Variants in ATXN2 observed in about 807,000 individuals in gnomAD.
The protein encoded by ATXN2 is ataxin 2, also known as ataxin-2.
ATXN2 carries 37 observed loss-of-function variants against 138.6 expected under a neutral mutation model. The observed-to-expected ratio is 0.27, with a 90% CI of 0.21 to 0.35. The LOEUF (loss-of-function observed/expected upper bound fraction) is 0.35, where lower values mean the gene tolerates loss of function less well. ATXN2 is among the 10% of genes least tolerant of loss of function. The probability of loss-of-function intolerance (pLI) is 1.00; values close to 1 mark genes in which losing one functional copy is unlikely to be tolerated. For missense variants in ATXN2, 1,216 were observed against 1,480.3 expected (o/e 0.82, Z 2.93); for synonymous variants, 549 against 543.7 (o/e 1.01, Z -0.13).
At chr12:111,594,467 T>C (rs1884831461) in intron 1 of ATXN2, among the ~76,000 whole-genome samples, 1 of 152,042 alleles carries the variant, frequency 6.6e-6, no homozygotes. Flanking sequence ...GCCTCCCAAG[T>C]AGCTGGGATT....
chr12:111,536,828 G>T (rs1336618862), intron 5 of ATXN2, among the ~76,000 whole-genome samples: 1 of 132,022 alleles, frequency 7.6e-6, no homozygotes, highest in South Asian at 2.3e-4. Context: ...CTGTCACCCA[G>T]GCTGGAGTGC....
In ATXN2 at chr12:111,591,470, G is replaced by C. The variant is rs575000035; in HGVS notation, c.251+7314C>G. Among the ~76,000 whole-genome samples, 5 of 152,140 alleles carry C rather than the reference G, an allele frequency of 3.3e-5. No homozygotes were observed. In the South Asian group the frequency reaches 1.0e-3, roughly 32 times the overall value. On this transcript the variant is annotated intron_variant, in intron 1 of 24. Transcript: ENST00000673436. ...GGATCACTTGAGCCCAGGAGTTTGAGACCAATCTGGGCAACATGGCAGGAC... is the reference window on the plus strand; with the variant it reads ...GGATCACTTGAGCCCAGGAGTTTGACACCAATCTGGGCAACATGGCAGGAC...
intron 1 of ATXN2, among the ~76,000 whole-genome samples, chr12:111,566,295 G>T (rs1883000828): frequency 6.6e-6 from 1 of 151,886 alleles, no homozygotes; most frequent in Admixed American, 6.6e-5. Flanking sequence ...AGGTGGGCAT[G>T]GTGGTGCATG....
chr12:111,561,523 T>G (rs1882687367), intron 1 of ATXN2, among the ~76,000 whole-genome samples: 1 of 151,678 alleles, frequency 6.6e-6, no homozygotes, highest in South Asian at 2.1e-4. Context: ...ATCATAAAAT[T>G]AAAATACTAC....
intron 21 of ATXN2, among the ~76,000 whole-genome samples, chr12:111,464,044 T>C (rs2135664286): frequency 6.6e-6 from 1 of 152,252 alleles, no homozygotes; most frequent in African/African-American, 2.4e-5. Flanking sequence ...CGCCTCAGCC[T>C]CCCAAAGCAC....
chr12:111,506,070 T>C (rs1189474120), intron 14 of ATXN2, among the ~76,000 whole-genome samples: 2 of 152,204 alleles, frequency 1.3e-5, no homozygotes, highest in African/African-American at 4.8e-5. Flanking sequence ...AACACTACTC[T>C]GAGTGAAAGA....
chr12:111,577,167 T>C (rs1165897509), intron 1 of ATXN2, among the ~76,000 whole-genome samples: 2 of 152,092 alleles, frequency 1.3e-5, no homozygotes, highest in Non-Finnish European at 2.9e-5. Context: ...TTGTTCCTAC[T>C]GTCAAGATGC....
chr12:111,526,380 C>A (rs1386323949), intron 5 of ATXN2, among the ~76,000 whole-genome samples: 3 of 150,354 alleles, frequency 2.0e-5, no homozygotes, highest in Non-Finnish European at 3.0e-5. Flanking sequence ...AAGAAAATTT[C>A]TATCAATCCA....
intron 1 of ATXN2, among the ~76,000 whole-genome samples, chr12:111,558,147 C>G (rs915322148): frequency 2.0e-5 from 3 of 152,068 alleles, no homozygotes; most frequent in African/African-American, 7.2e-5. Flanking sequence ...GTGCAGAAAC[C>G]ACTAATTTCC....
At chr12:111,503,292 G>A (rs1031676919) in intron 14 of ATXN2, among the ~76,000 whole-genome samples, 1 of 152,242 alleles carries the variant, frequency 6.6e-6, no homozygotes, top group Admixed American at 6.5e-5. Context: ...TCAAAGCACT[G>A]CTAGAAGCTT....
intron 14 of ATXN2, among the ~76,000 whole-genome samples, chr12:111,504,462 TG>T (rs1566029246): frequency 6.6e-6 from 1 of 152,136 alleles, no homozygotes; most frequent in Non-Finnish European, 1.5e-5. Context: ...AGGTAATTTT[TG>T]TATTTTTAGT....
At chr12:111,498,898 G>A (rs1193912195) in intron 14 of ATXN2, among the ~76,000 whole-genome samples, 2 of 152,062 alleles carry the variant, frequency 1.3e-5, no homozygotes, top group African/African-American at 4.8e-5. Context: ...GAATCCATAC[G>A]TCTAAGTGAA....
chr12:111,541,133 G>GTT (rs1246525885), intron 5 of ATXN2, among the ~76,000 whole-genome samples: 1 of 149,096 alleles, frequency 6.7e-6, no homozygotes, highest in African/African-American at 2.4e-5. Context: ...TAGTCTGGGT[G>GTT]TTGTTTTGTT....
chr12:111,521,623 C>G (rs957563274), intron 6 of ATXN2, among the ~76,000 whole-genome samples: 11 of 152,164 alleles, frequency 7.2e-5, no homozygotes, highest in African/African-American at 2.4e-4. Flanking sequence ...AATGGTTTTA[C>G]CATTAGCAGT....
intron 3 of ATXN2, among the ~76,000 whole-genome samples, chr12:111,553,185 T>C (rs1365487934): frequency 6.6e-6 from 1 of 152,154 alleles, no homozygotes; most frequent in Non-Finnish European, 1.5e-5. Context: ...GCAGTACGAA[T>C]TTTAATACTG....
rs978162193 is a variant in ATXN2, at chr12:111,598,375, C to T, written c.251+409G>A. 2 of 988,162 alleles carry T rather than the reference C, an allele frequency of 2.0e-6. No individual in the cohort carries two copies. Among genetic ancestry groups the T allele is most frequent in the African/African-American group, 1.7e-5 (1 of 57,266 alleles). The allele number at this position is 988,162 out of a possible 1,614,324, so 61.2% of individuals were successfully genotyped here. A position where few individuals can be genotyped will look rare whatever the true frequency, so the allele number is the denominator to read the frequency against. On this transcript the variant is annotated intron_variant, in intron 1 of 24. Coordinates refer to ENST00000673436, the MANE Select transcript of ATXN2 (RefSeq NM_001372574.1). The surrounding 1 kb of genome is among the most constrained non-coding windows in gnomAD (Gnocchi z 4.5). ...GGAAAACGCCACCACAGCCTCCAGA[C>T]CCCTCCAACGTTCACACCTAAACCG...
intron 23 of ATXN2, chr12:111,454,832 C>T (rs1874943162): frequency 3.9e-6 from 2 of 516,800 alleles, no homozygotes; most frequent in South Asian, 5.1e-5. Context: ...TGTAAGTTCA[C>T]ATGCCTACTT....
chr12:111,455,736 G>A, intron 23 of ATXN2: 2 of 494,964 alleles, frequency 4.0e-6, no homozygotes, highest in Non-Finnish European at 7.4e-6. Flanking sequence ...TATAGACATA[G>A]CAAAGCAGAC....
At chr12:111,577,910 C>T (rs982540545) in intron 1 of ATXN2, among the ~76,000 whole-genome samples, 4 of 151,388 alleles carry the variant, frequency 2.6e-5, no homozygotes, top group Non-Finnish European at 4.4e-5. Context: ...AAGACCTCAT[C>T]TCTGGCCAGG....
Sources: allele counts gnomAD v4.1 joint callset (sites outside exome capture counted in the v4.1 genomes callset), GRCh38; gene constraint gnomAD v4.1.1; non-coding constraint Gnocchi (gnomAD v3.1); transcripts MANE v1.5; gene names NCBI Gene and HGNC (gene_info 2026-07-23, HGNC 2026-07-21).